CSMD1: variants seen among roughly 807,000 people sequenced by gnomAD.
The protein encoded by CSMD1 is CUB and sushi domain-containing protein 1.
In CSMD1, 213 loss-of-function variants were observed where a neutral mutation model predicts 417.5. The observed-to-expected ratio is 0.51, with a 90% CI of 0.46 to 0.57. The LOEUF is 0.57. Ranked by LOEUF, CSMD1 falls within the 20% of genes least tolerant of loss-of-function variation. The pLI is 0.00. For missense variants in CSMD1, 6,923 were observed against 4,529.7 expected (o/e 1.53, Z -15.17); for synonymous variants, 2,862 against 1,736.8 (o/e 1.65, Z -16.11).
intron 1 of CSMD1, among the ~76,000 whole-genome samples, chr8:4,753,970 G>C (rs1811507940): frequency 1.3e-5 from 2 of 152,314 alleles, no homozygotes; most frequent in Non-Finnish European, 2.9e-5. Context: ...CAAATGAACA[G>C]CTTCAAATAC....
chr8:3,229,014 A>T (rs1798674214), intron 27 of CSMD1, among the ~76,000 whole-genome samples: 1 of 152,170 alleles, frequency 6.6e-6, no homozygotes, highest in Non-Finnish European at 1.5e-5. Flanking sequence ...GAGAAGGCTG[A>T]TAAGGACAGC....
intron 2 of CSMD1, among the ~76,000 whole-genome samples, chr8:4,466,300 G>C (rs1382031541): frequency 6.6e-6 from 1 of 152,046 alleles, no homozygotes; most frequent in African/African-American, 2.4e-5. Context: ...CAGAGGAGGA[G>C]GAGGAGAAAC....
intron 2 of CSMD1, among the ~76,000 whole-genome samples, chr8:4,537,460 A>G (rs183500153): frequency 6.6e-6 from 1 of 152,262 alleles, no homozygotes; most frequent in African/African-American, 2.4e-5. Context: ...TCATATTACT[A>G]ATTGCTATAA....
chr8:3,094,409 T>C (rs1050249701), intron 47 of CSMD1, among the ~76,000 whole-genome samples: 7 of 152,112 alleles, frequency 4.6e-5, no homozygotes, highest in African/African-American at 1.7e-4. Context: ...CTGGCCAGTT[T>C]TAGGTATTCT....
intron 3 of CSMD1, among the ~76,000 whole-genome samples, chr8:4,053,521 A>G (rs1798540969): frequency 6.6e-6 from 1 of 151,284 alleles, no homozygotes; most frequent in African/African-American, 2.4e-5. Context: ...AAAATATGAA[A>G]CACTTTTGTT....
intron 26 of CSMD1, among the ~76,000 whole-genome samples, chr8:3,235,718 T>C (rs542356315): frequency 1.3e-4 from 20 of 152,178 alleles, no homozygotes; most frequent in Non-Finnish European, 2.8e-4. Context: ...ACATGTCCTT[T>C]CATGGTATAA....
intron 25 of CSMD1, among the ~76,000 whole-genome samples, chr8:3,295,316 C>T (rs71521837): frequency 0.087 from 13,236 of 151,742 alleles, 761 homozygotes; most frequent in Non-Finnish European, 0.13. Flanking sequence ...TTAGTAGACA[C>T]GGGGTTTCAC....
intron 3 of CSMD1, among the ~76,000 whole-genome samples, chr8:4,070,693 C>G (rs1031273427): frequency 1.3e-5 from 2 of 152,072 alleles, no homozygotes; most frequent in East Asian, 1.9e-4. Flanking sequence ...ACTGAAGATC[C>G]AAGTTTTCAC....
chr8:3,991,136 T>C (rs1473071910), intron 5 of CSMD1, among the ~76,000 whole-genome samples: 2 of 152,166 alleles, frequency 1.3e-5, no homozygotes, highest in Non-Finnish European at 2.9e-5. Flanking sequence ...GACTGGAAAT[T>C]GGCCCCACAG....
chr8:3,530,631 C>T (rs1038652781), intron 10 of CSMD1, among the ~76,000 whole-genome samples: 6 of 152,134 alleles, frequency 3.9e-5, no homozygotes, highest in Non-Finnish European at 7.3e-5. Flanking sequence ...AAGTGATTCT[C>T]CTGCCTCAGC....
chr8:4,487,518 G>C (rs1801478825), intron 2 of CSMD1, among the ~76,000 whole-genome samples: 1 of 152,154 alleles, frequency 6.6e-6, no homozygotes, highest in Non-Finnish European at 1.5e-5. Context: ...TGGCTGCATA[G>C]TATTCCATGG....
At chr8:4,128,289 A>T (rs1318499614) in intron 3 of CSMD1, among the ~76,000 whole-genome samples, 1 of 152,154 alleles carries the variant, frequency 6.6e-6, no homozygotes, top group Non-Finnish European at 1.5e-5. Flanking sequence ...ATGATCTGAG[A>T]AGACTCGTGA....
chr8:3,906,400 C>G (rs770986849), intron 5 of CSMD1, among the ~76,000 whole-genome samples: 2 of 152,088 alleles, frequency 1.3e-5, no homozygotes, highest in Non-Finnish European at 2.9e-5. Context: ...AAAATGTAAT[C>G]TGTTTTTAAC....
At chr8:4,480,628 G>C (rs996713379) in intron 2 of CSMD1, among the ~76,000 whole-genome samples, 2 of 152,234 alleles carry the variant, frequency 1.3e-5, no homozygotes, top group Non-Finnish European at 2.9e-5. Flanking sequence ...AAACACGTCT[G>C]TGGGCCATTC....
chr8:3,880,733 A>G (rs767647126), intron 5 of CSMD1, among the ~76,000 whole-genome samples: 1 of 152,222 alleles, frequency 6.6e-6, no homozygotes, highest in Non-Finnish European at 1.5e-5. Context: ...AAAATATATT[A>G]AAATTATATT....
intron 3 of CSMD1, among the ~76,000 whole-genome samples, chr8:4,332,035 T>C (rs1248219300): frequency 6.6e-6 from 1 of 152,136 alleles, no homozygotes; most frequent in Middle Eastern, 3.2e-3. Flanking sequence ...TGATGGATGC[T>C]TGTGGTTTTT....
chr8:3,255,088 C>T (rs1585813851), intron 26 of CSMD1, among the ~76,000 whole-genome samples: 2 of 152,188 alleles, frequency 1.3e-5, no homozygotes, highest in South Asian at 4.1e-4. Flanking sequence ...TTCATTGTAA[C>T]AGTCAGGACC....
chr8:4,822,064 T>C (rs1469789910), intron 1 of CSMD1, among the ~76,000 whole-genome samples: 1 of 152,080 alleles, frequency 6.6e-6, no homozygotes, highest in African/African-American at 2.4e-5. Flanking sequence ...TTCTATTCTC[T>C]TCCTTTCTTT....
intron 12 of CSMD1, among the ~76,000 whole-genome samples, chr8:3,449,445 C>G (rs111852129): frequency 1.2e-4 from 18 of 151,728 alleles, no homozygotes; most frequent in African/African-American, 4.1e-4. Flanking sequence ...GTCCTGGACT[C>G]GGAAAGTGAA....
Sources: gnomAD v4.1 joint callset for allele counts (sites outside exome capture counted in the v4.1 genomes callset) on GRCh38, gnomAD v4.1.1 for gene constraint, MANE v1.5 for transcripts, NCBI Gene and HGNC (gene_info 2026-07-23, HGNC 2026-07-21) for gene names.